Variants in ZNF277 observed in about 807,000 individuals in gnomAD.
The protein encoded by ZNF277 is zinc finger protein 277, also known as nuclear receptor-interacting factor 4.
A neutral mutation model predicts 60.7 loss-of-function variants in ZNF277; 55 were observed. The ratio of observed to expected loss-of-function variants is 0.91; its 90% confidence interval spans 0.73 to 1.13. The LOEUF is 1.13. ZNF277 is among the 50% of genes most tolerant of loss of function. The probability of loss-of-function intolerance (pLI) is 0.00; values close to 1 mark genes in which losing one functional copy is unlikely to be tolerated. For synonymous variants in ZNF277, 178 were observed against 179.3 expected, an observed-to-expected ratio of 0.99 and a Z score of 0.06; for missense variants, 510 against 523.0, an observed-to-expected ratio of 0.98 and a Z score of 0.24.
chr7:112,260,458 T>C (rs1403953181), intron 1 of ZNF277, among the ~76,000 whole-genome samples: 1 of 152,212 alleles, frequency 6.6e-6, no homozygotes, highest in East Asian at 1.9e-4. Context: ...TAGCAATATG[T>C]TCTGAGTATT....
intron 1 of ZNF277, among the ~76,000 whole-genome samples, chr7:112,225,278 G>A (rs541686902): frequency 6.6e-6 from 1 of 152,304 alleles, no homozygotes; most frequent in African/African-American, 2.4e-5. Context: ...TATTGGCAGG[G>A]GCTTAGTGCC....
intron 1 of ZNF277, among the ~76,000 whole-genome samples, chr7:112,213,756 T>G (rs1821813032): frequency 6.6e-6 from 1 of 152,184 alleles, no homozygotes; most frequent in Non-Finnish European, 1.5e-5. Flanking sequence ...CAGACTTTTC[T>G]TACACATAAA....
At chr7:112,242,132 T>C (rs1790970534) in intron 1 of ZNF277, among the ~76,000 whole-genome samples, 1 of 151,940 alleles carries the variant, frequency 6.6e-6, no homozygotes, top group Non-Finnish European at 1.5e-5. Flanking sequence ...ACATATACTG[T>C]TTACCCATAA....
chr7:112,306,406 G>A (rs1049185250), intron 4 of ZNF277, among the ~76,000 whole-genome samples: 2 of 151,816 alleles, frequency 1.3e-5, no homozygotes, highest in Non-Finnish European at 2.9e-5. Flanking sequence ...GTATAGATGG[G>A]GTTTCACCAT....
At chr7:112,262,636 C>T (rs935393939) in intron 1 of ZNF277, among the ~76,000 whole-genome samples, 9 of 151,958 alleles carry the variant, frequency 5.9e-5, no homozygotes, top group Admixed American at 5.9e-4. Flanking sequence ...ATTTTATAAA[C>T]AATATAGAGG....
rs143913251 is a variant in ZNF277 at position 112,223,588 on chromosome 7, G to T, written c.91+16781G>T. Among the ~76,000 whole-genome samples the T allele has an allele frequency of 1.6e-3, 240 of 152,314 alleles. 2 individuals are homozygous for T. Among genetic ancestry groups the T allele is most frequent in the African/African-American group, 5.6e-3 (231 of 41,570 alleles). ...CAGTTCATGAGTCTGCCACCTGGTCGTAGGTTTGCCCTCTCAAAATGACCC... is the reference window on the plus strand; with the variant it reads ...CAGTTCATGAGTCTGCCACCTGGTCTTAGGTTTGCCCTCTCAAAATGACCC... On this transcript the variant is annotated intron_variant, in intron 1 of 11. Coordinates refer to ENST00000361822, the MANE Select transcript of ZNF277 (RefSeq NM_021994.3).
At chr7:112,241,526 T>G (rs1356628302) in intron 1 of ZNF277, among the ~76,000 whole-genome samples, 1 of 152,160 alleles carries the variant, frequency 6.6e-6, no homozygotes, top group African/African-American at 2.4e-5. Flanking sequence ...GAAATCAGTA[T>G]ATCAAAGAGA....
At chr7:112,238,712 G>A (rs902034194) in intron 1 of ZNF277, among the ~76,000 whole-genome samples, 3 of 151,866 alleles carry the variant, frequency 2.0e-5, no homozygotes, top group African/African-American at 7.3e-5. Context: ...TTTGGATACA[G>A]CTCAGCCACA....
chr7:112,254,586 A>G (rs895461946), intron 1 of ZNF277, among the ~76,000 whole-genome samples: 2 of 152,246 alleles, frequency 1.3e-5, no homozygotes, highest in African/African-American at 4.8e-5. Flanking sequence ...TTGTGTTAAA[A>G]TAAATATGGC....
In ZNF277 at chr7:112,275,085, T is replaced by C. The variant is rs568778633; in HGVS notation, c.92-11788T>C. On this transcript the variant is annotated intron_variant, in intron 1 of 11. Coordinates refer to ENST00000361822, the MANE Select transcript of ZNF277 (RefSeq NM_021994.3). The stretch of plus-strand genomic sequence containing the variant: ...TTAATTAGATTTACCAGAACCAAGA[T>C]TAGGATTTTAATGTCTTTTTTGCTT... Among the ~76,000 whole-genome samples, 3 of 152,318 alleles carry C rather than the reference T, an allele frequency of 2.0e-5. No homozygotes were observed. The East Asian group carries it at 5.8e-4, about 29-fold the overall frequency.
At chr7:112,280,753 G>C (rs1360317815) in intron 1 of ZNF277, among the ~76,000 whole-genome samples, 1 of 151,958 alleles carries the variant, frequency 6.6e-6, no homozygotes, top group African/African-American at 2.4e-5. Context: ...AGCCTCCCGA[G>C]TAGTGGGGAC....
At chr7:112,292,059 G>A (rs1792218365) in intron 2 of ZNF277, among the ~76,000 whole-genome samples, 1 of 152,092 alleles carries the variant, frequency 6.6e-6, no homozygotes, top group Non-Finnish European at 1.5e-5. Context: ...TCCTATTTGA[G>A]GAGGGCAACC....
intron 8 of ZNF277, among the ~76,000 whole-genome samples, chr7:112,337,382 G>T (rs755418250): frequency 1.3e-5 from 2 of 152,196 alleles, no homozygotes; most frequent in African/African-American, 2.4e-5. Context: ...TGTGGTTAAT[G>T]GGAGAGAGCA....
intron 7 of ZNF277, among the ~76,000 whole-genome samples, chr7:112,331,880 A>G (rs1484867727): frequency 6.6e-6 from 1 of 152,220 alleles, no homozygotes; most frequent in Non-Finnish European, 1.5e-5. Context: ...TTTTAAAACT[A>G]ATATTCAAGA....
intron 1 of ZNF277, among the ~76,000 whole-genome samples, chr7:112,224,462 C>T (rs552198530): frequency 6.6e-6 from 1 of 152,194 alleles, no homozygotes; most frequent in Non-Finnish European, 1.5e-5. Context: ...CCTAATACAA[C>T]ATGGAAAAGT....
At position 112,263,160 on chromosome 7, in the gene ZNF277, C is replaced by T. The variant is rs1435872417; in HGVS notation, c.92-23713C>T. Among the ~76,000 whole-genome samples the T allele has an allele frequency of 3.3e-5, 5 of 152,256 alleles. No homozygotes were observed. The East Asian group carries it at 9.6e-4, about 29-fold the overall frequency. ...TTACTGTTGTTGGACAGTGGAGATACGTACTTGTAAGGCACAGTCTTTCTG... is the reference window on the plus strand; with the variant it reads ...TTACTGTTGTTGGACAGTGGAGATATGTACTTGTAAGGCACAGTCTTTCTG... On this transcript the variant is annotated intron_variant, in intron 1 of 11. Transcript: ENST00000361822.
intron 1 of ZNF277, among the ~76,000 whole-genome samples, chr7:112,227,704 A>G (rs1332407100): frequency 6.6e-6 from 1 of 152,210 alleles, no homozygotes; most frequent in Non-Finnish European, 1.5e-5. Context: ...CATTATAAAT[A>G]TATATAATTT....
chr7:112,270,979 T>C (rs79036605), intron 1 of ZNF277, among the ~76,000 whole-genome samples: 8,540 of 152,102 alleles, frequency 0.056, 637 homozygotes, highest in African/African-American at 0.17. Context: ...AAAATCAGCA[T>C]ATTTTCAAAG....
At position 112,318,086 on chromosome 7, in the gene ZNF277, T is replaced by C. The variant is rs1162885753; in HGVS notation, c.466-96T>C. On this transcript the variant is annotated intron_variant, in intron 4 of 11. Transcript: ENST00000361822. ...TGGCAACTTTTATATACTCCCTTTA[T>C]GCTTCCAGCCCAGTTTCCTCCCATC... is the stretch of plus-strand genomic sequence containing the variant. 3 of 963,366 alleles carry C rather than the reference T, an allele frequency of 3.1e-6. 1 individual carries two copies. Among genetic ancestry groups the C allele is most frequent in the Non-Finnish European group, 4.9e-6 (3 of 618,102 alleles). 59.7% of individuals were successfully genotyped at this position (963,366 alleles called of 1,614,324 possible).
Sources: allele counts gnomAD v4.1 joint callset (sites outside exome capture counted in the v4.1 genomes callset), GRCh38; gene constraint gnomAD v4.1.1; transcripts MANE v1.5; gene names NCBI Gene and HGNC (gene_info 2026-07-23, HGNC 2026-07-21).